CPED1: variants seen among roughly 807,000 people sequenced by gnomAD.
CPED1 encodes the protein cadherin like and PC-esterase domain containing 1.
In CPED1, 114 loss-of-function variants were observed where a neutral mutation model predicts 128.2. The ratio of observed to expected loss-of-function variants is 0.89; its 90% CI spans 0.76 to 1.04. The LOEUF is 1.04. CPED1 is among the 50% of genes least tolerant of loss of function. The probability of loss-of-function intolerance (pLI) is 0.00; values close to 1 mark genes in which losing one functional copy is unlikely to be tolerated. For synonymous variants in CPED1, 462 were observed against 426.7 expected (o/e 1.08, Z -1.02); for missense variants, 1,211 against 1,207.1 (o/e 1.00, Z -0.05).
At chr7:121,054,020 T>C (rs1308837166) in intron 4 of CPED1, among the ~76,000 whole-genome samples, 1 of 152,186 alleles carries the variant, frequency 6.6e-6, no homozygotes, top group East Asian at 1.9e-4. Flanking sequence ...TCTTGCATTT[T>C]TCCTGTCCCA....
At chr7:121,182,828 T>C (rs1289141754) in intron 16 of CPED1, among the ~76,000 whole-genome samples, 2 of 152,104 alleles carry the variant, frequency 1.3e-5, no homozygotes. Flanking sequence ...GAACATTAAT[T>C]AGATAAGACA....
At chr7:121,028,983 C>T (rs1404101509) in intron 3 of CPED1, among the ~76,000 whole-genome samples, 1 of 151,952 alleles carries the variant, frequency 6.6e-6, no homozygotes, top group African/African-American at 2.4e-5. Context: ...CCATTTTTAG[C>T]TTTATTATTA....
At chr7:121,183,841 C>G (rs1030540111) in intron 16 of CPED1, among the ~76,000 whole-genome samples, 3 of 152,086 alleles carry the variant, frequency 2.0e-5, no homozygotes, top group Non-Finnish European at 4.4e-5. Context: ...ATACAATTCA[C>G]TTGGGGGTAG....
At chr7:121,209,132 T>G (rs1196470528) in intron 16 of CPED1, among the ~76,000 whole-genome samples, 1 of 152,044 alleles carries the variant, frequency 6.6e-6, no homozygotes, top group Non-Finnish European at 1.5e-5. Context: ...TGGATGACAA[T>G]TGCTTCCATA....
intron 18 of CPED1, among the ~76,000 whole-genome samples, chr7:121,254,625 G>A (rs1798762742): frequency 6.6e-6 from 1 of 151,850 alleles, no homozygotes; most frequent in Non-Finnish European, 1.5e-5. Context: ...ACAGAAGTCG[G>A]TTCTTCAAAA....
At chr7:121,095,138 T>C (rs181617410) in intron 5 of CPED1, among the ~76,000 whole-genome samples, 2 of 152,248 alleles carry the variant, frequency 1.3e-5, no homozygotes, top group African/African-American at 4.8e-5. Context: ...CCCAAATCCC[T>C]TCCAAAAACA....
chr7:121,141,631 G>A (rs773328308), intron 15 of CPED1, among the ~76,000 whole-genome samples: 12 of 151,952 alleles, frequency 7.9e-5, no homozygotes, highest in Non-Finnish European at 1.8e-4. Flanking sequence ...TGAATGATGT[G>A]TTTACCAGTT....
intron 2 of CPED1, among the ~76,000 whole-genome samples, chr7:121,014,514 C>G (rs2116809102): frequency 7.0e-6 from 1 of 143,468 alleles, no homozygotes; most frequent in South Asian, 2.2e-4. Flanking sequence ...TGCACCACTG[C>G]ACTCCAGCCT....
At chr7:121,028,304 GT>G (rs1562997244) in intron 3 of CPED1, among the ~76,000 whole-genome samples, 1 of 152,098 alleles carries the variant, frequency 6.6e-6, no homozygotes, top group African/African-American at 2.4e-5. Flanking sequence ...TTTTATTATG[GT>G]TTTTCAGCTT....
At chr7:121,007,895 A>G (rs1792065289) in intron 2 of CPED1, among the ~76,000 whole-genome samples, 2 of 152,120 alleles carry the variant, frequency 1.3e-5, no homozygotes, top group African/African-American at 2.4e-5. Context: ...CTTCCCCTGT[A>G]TGGTTTAATG....
intron 16 of CPED1, among the ~76,000 whole-genome samples, chr7:121,216,671 T>G (rs1797766521): frequency 6.6e-6 from 1 of 151,988 alleles, no homozygotes; most frequent in South Asian, 2.1e-4. Flanking sequence ...TTCTGGGAGA[T>G]GTACTGGATG....
chr7:121,083,376 G>A (rs1210968991), intron 5 of CPED1, among the ~76,000 whole-genome samples: 1 of 152,126 alleles, frequency 6.6e-6, no homozygotes, highest in African/African-American at 2.4e-5. Flanking sequence ...AGAATTAGTT[G>A]TCCTAGCTTT....
intron 16 of CPED1, among the ~76,000 whole-genome samples, chr7:121,224,107 T>G (rs1730179450): frequency 6.6e-6 from 1 of 152,182 alleles, no homozygotes; most frequent in African/African-American, 2.4e-5. Context: ...GTGCTATAAA[T>G]TTCCCTCTAC....
rs147183487 is a variant in CPED1, at chr7:121,047,644, CCTT to C, written c.540+652_540+654del. 4.4e-4 allele frequency among the ~76,000 whole-genome samples: 59 copies of C among 135,148 alleles called. 1 individual carries two copies. Among genetic ancestry groups the C allele is most frequent in the African/African-American group, 1.9e-3 (58 of 30,200 alleles). The allele number at this position is 135,148 out of a possible 152,430, so 88.7% of individuals were successfully genotyped here. On this transcript the variant is annotated intron_variant, in intron 4 of 22. Coordinates refer to ENST00000310396, the MANE Select transcript of CPED1 (RefSeq NM_024913.5). ...CCTACAATTCGCCATCTAGATAGCACCTTTCTTCTTCTTCTTCTTCTTCTTCTT... is the reference window on the plus strand; with the variant it reads ...CCTACAATTCGCCATCTAGATAGCACTCTTCTTCTTCTTCTTCTTCTTCTT...
chr7:121,065,218 A>C (rs1793798418), intron 5 of CPED1, among the ~76,000 whole-genome samples: 1 of 152,180 alleles, frequency 6.6e-6, no homozygotes, highest in South Asian at 2.1e-4. Flanking sequence ...TTTACTGAGA[A>C]TTAAAATAAA....
intron 19 of CPED1, 112 bp downstream of exon 19, chr7:121,266,559 T>C (rs1468717699): frequency 5.9e-6 from 7 of 1,196,212 alleles, no homozygotes; most frequent in African/African-American, 1.5e-5. Flanking sequence ...AAAGGTTAGA[T>C]ACCAAGTAAG....
chr7:121,260,254 A>G (rs538650612), intron 18 of CPED1, among the ~76,000 whole-genome samples: 2 of 83,892 alleles, frequency 2.4e-5, no homozygotes, highest in African/African-American at 7.7e-5. Context: ...TTTTTGCCAA[A>G]TTTTATGTCT....
intron 16 of CPED1, among the ~76,000 whole-genome samples, chr7:121,153,321 C>A (rs1192017970): frequency 6.6e-6 from 1 of 152,120 alleles, no homozygotes; most frequent in Non-Finnish European, 1.5e-5. Context: ...TGATTTCAAC[C>A]AAAACTGCTA....
At chr7:121,124,555 CTTAA>C (rs1795459889) in intron 8 of CPED1, 82 bp downstream of exon 8, 2 of 1,121,800 alleles carry the variant, frequency 1.8e-6, no homozygotes, top group Non-Finnish European at 2.4e-6. Context: ...GGAAATGTAT[CTTAA>C]TTATCATAAG....
Sources: gnomAD v4.1 joint callset for allele counts (sites outside exome capture counted in the v4.1 genomes callset) on GRCh38, gnomAD v4.1.1 for gene constraint, MANE v1.5 for transcripts, NCBI Gene and HGNC (gene_info 2026-07-23, HGNC 2026-07-21) for gene names.